ZNF33A: variants seen among roughly 807,000 people sequenced by gnomAD.
The protein encoded by ZNF33A is brain my041 protein.
In ZNF33A, 9 loss-of-function variants were observed where a neutral mutation model predicts 15.9. The observed-to-expected ratio is 0.57, with a 90% CI of 0.34 to 0.99. ZNF33A has a LOEUF of 0.99. Among genes scored for constraint, ZNF33A ranks in the 50% least tolerant of loss-of-function variants. The pLI, the probability that ZNF33A is intolerant of heterozygous loss-of-function variation, is 0.02. For synonymous variants in ZNF33A, 294 were observed against 324.2 expected, an observed-to-expected ratio of 0.91 and a Z score of 1.00; for missense variants, 843 against 941.6, an observed-to-expected ratio of 0.90 and a Z score of 1.37.
intron 4 of ZNF33A, among the ~76,000 whole-genome samples, chr10:38,022,498 A>G (rs2064794346): frequency 6.6e-6 from 1 of 152,020 alleles, no homozygotes; most frequent in Admixed American, 6.6e-5. Context: ...CTCTACTAAA[A>G]ATACAAAAAT....
chr10:38,066,619 A>G (rs571420888), downstream of ZNF33A, among the ~76,000 whole-genome samples: 12 of 151,820 alleles, frequency 7.9e-5, no homozygotes, highest in East Asian at 2.4e-3. Flanking sequence ...TAAACTCTCC[A>G]GTGTGTAAAG....
intron 4 of ZNF33A, among the ~76,000 whole-genome samples, chr10:38,028,601 G>A (rs1392071326): frequency 6.6e-6 from 1 of 151,968 alleles, no homozygotes; most frequent in African/African-American, 2.4e-5. Context: ...CCAAGTAGCT[G>A]GGACTACAGG....
rs150623689 is a variant in ZNF33A, at chr10:38,026,843, C to T, written c.250+9457C>T. ...CCAAACAGAAACTGTCGCCATTAAG[C>T]GGTAACTACTCATTCCCCCTTCCGA... is the stretch of plus-strand genomic sequence containing the variant. On this transcript the variant is annotated intron_variant, in intron 4 of 4. Transcript: ENST00000432900. Among the ~76,000 whole-genome samples, 557 of 152,286 alleles carry T rather than the reference C, an allele frequency of 3.7e-3. 4 individuals carry two copies. The highest frequency in any genetic ancestry group is 0.013 in the African/African-American group (547 of 41,570).
intron 4 of ZNF33A, among the ~76,000 whole-genome samples, chr10:38,024,698 G>A (rs983016740): frequency 6.6e-5 from 10 of 152,214 alleles, no homozygotes; most frequent in Non-Finnish European, 1.5e-4. Context: ...CCTTTTCTGT[G>A]GTTTTGCTTT....
intron 4 of ZNF33A, among the ~76,000 whole-genome samples, chr10:38,042,496 C>G (rs1266531831): frequency 3.7e-5 from 3 of 80,264 alleles, no homozygotes; most frequent in Non-Finnish European, 7.5e-5. Context: ...TATTTTTTTG[C>G]TTTATTCTTT....
chr10:38,024,624 G>C (rs1468630714), intron 4 of ZNF33A, among the ~76,000 whole-genome samples: 3 of 152,174 alleles, frequency 2.0e-5, no homozygotes, highest in Non-Finnish European at 4.4e-5. Context: ...TTTCTCAAAA[G>C]TTTTGAGAAA....
At chr10:38,011,759 A>G (rs918569508) in intron 1 of ZNF33A, among the ~76,000 whole-genome samples, 1 of 152,180 alleles carries the variant, frequency 6.6e-6, no homozygotes, top group African/African-American at 2.4e-5. Flanking sequence ...CATCAAAGCA[A>G]GTTTAAAATA....
chr10:38,052,822 A>C (rs2066268296), intron 4 of ZNF33A, among the ~76,000 whole-genome samples: 1 of 151,976 alleles, frequency 6.6e-6, no homozygotes, highest in Non-Finnish European at 1.5e-5. Context: ...TTTTGGAGAA[A>C]ACTGTTGCTG....
chr10:38,055,699 T>G lies in ZNF33A; in HGVS notation c.1575T>G (p.Tyr525Ter), dbSNP rs1362635860. The G allele has an allele frequency of 6.2e-7, 1 of 1,613,738 alleles. No homozygotes were observed. Among genetic ancestry groups the G allele is most frequent in the Non-Finnish European group, 8.5e-7 (1 of 1,179,960 alleles). ...HQIIHTGWKP[Y>*]ECYECGKTFC... is the part of the protein sequence containing the mutation. Reference sequence around the variant, plus strand: ...TAATTCATACAGGGTGGAAACCTTATGAATGTTATGAATGTGGGAAAACCT... The same window carrying G: ...TAATTCATACAGGGTGGAAACCTTAGGAATGTTATGAATGTGGGAAAACCT... Residue 525 changes from tyrosine to a stop codon, truncating the protein, a stop_gained, in exon 5 of 5, where the codon TAT becomes TAG. Coordinates refer to ENST00000432900, the MANE Select transcript of ZNF33A (RefSeq NM_006954.2). LOFTEE classifies it low-confidence loss of function (END_TRUNC).
At position 38,055,645 on chromosome 10, in the gene ZNF33A, C is replaced by T; in HGVS notation, c.1521C>T (p.Tyr507=). The T allele has an allele frequency of 6.2e-7, 1 of 1,613,992 alleles. No individual in the cohort carries two copies. Among genetic ancestry groups the T allele is most frequent in the Admixed American group, 1.7e-5 (1 of 60,016 alleles). ...YECNACGKTF[Y]HKSLLTRHQI... is the part of the protein sequence containing the mutation. ...GTAATGCATGTGGGAAAACTTTCTA[C>T]CACAAGTCATTACTCACCAGGCATC... Residue 507 remains tyrosine (Y), a synonymous_variant, in exon 5 of 5, where the codon TAC becomes TAT. Coordinates refer to ENST00000432900, the MANE Select transcript of ZNF33A (RefSeq NM_006954.2).
At chr10:38,025,833 G>A (rs1304484273) in intron 4 of ZNF33A, among the ~76,000 whole-genome samples, 9 of 152,156 alleles carry the variant, frequency 5.9e-5, no homozygotes, top group African/African-American at 2.4e-5. Flanking sequence ...CAGTCCAGTG[G>A]CATTACACTC....
rs71007683 is a variant in ZNF33A at position 38,035,111 on chromosome 10, C to CTTTTTTT, written c.250+17743_250+17749dup. ...TAACCATCCATCATCCATTTACTTT[C>CTTTTTTT]TTTTTTTTTTTTTTTTTTTTTTTTG... On this transcript the variant is annotated intron_variant, in intron 4 of 4. Transcript: ENST00000432900. 5.2e-3 allele frequency among the ~76,000 whole-genome samples: 447 copies of CTTTTTTT among 85,724 alleles called. 3 individuals carry two copies. The highest frequency in any genetic ancestry group is 0.012 in the Middle Eastern group (1 of 86). The allele number at this position is 85,724 out of a possible 152,430, so 56.2% of individuals were successfully genotyped here.
chr10:38,011,783 T>C (rs931290296), intron 1 of ZNF33A, among the ~76,000 whole-genome samples: 1 of 152,154 alleles, frequency 6.6e-6, no homozygotes, highest in Admixed American at 6.5e-5. Context: ...CTTTGAGAAA[T>C]AGCAACAAAG....
At chr10:38,045,861 C>G (rs982258868) in intron 4 of ZNF33A, among the ~76,000 whole-genome samples, 10 of 152,344 alleles carry the variant, frequency 6.6e-5, no homozygotes, top group Non-Finnish European at 1.3e-4. Flanking sequence ...TGGGAACTCT[C>G]TGTCCTTACA....
Position 38,057,528 on chromosome 10 carries a change from T to C in ZNF33A, c.*968T>C. The C allele has an allele frequency of 2.0e-6, 2 of 985,438 alleles. No individual in the cohort carries two copies. Among genetic ancestry groups the C allele is most frequent in the Non-Finnish European group, 2.4e-6 (2 of 829,910 alleles). 61.0% of individuals were successfully genotyped at this position (985,438 alleles called of 1,614,324 possible). Reference sequence around the variant, plus strand: ...GTATCCTAGTTTAGTAGTGGTTACATTATCAGGCCCATCCCAGATGTTTGT... The same window carrying C: ...GTATCCTAGTTTAGTAGTGGTTACACTATCAGGCCCATCCCAGATGTTTGT... On this transcript the variant is annotated 3_prime_UTR_variant, in exon 5 of 5. Coordinates refer to ENST00000432900, the MANE Select transcript of ZNF33A (RefSeq NM_006954.2).
intron 4 of ZNF33A, among the ~76,000 whole-genome samples, chr10:38,039,939 CA>C (rs1450395688): frequency 6.6e-6 from 1 of 151,454 alleles, no homozygotes; most frequent in Non-Finnish European, 1.5e-5. Flanking sequence ...TGCTCCTGTC[CA>C]AGTGTTTTAA....
At chr10:38,035,525 A>G (rs1421604600) in intron 4 of ZNF33A, among the ~76,000 whole-genome samples, 1 of 152,218 alleles carries the variant, frequency 6.6e-6, no homozygotes, top group Non-Finnish European at 1.5e-5. Context: ...ATCAACTAAA[A>G]TACAGTACTT....
intron 4 of ZNF33A, among the ~76,000 whole-genome samples, chr10:38,050,407 C>G (rs183421099): frequency 6.6e-6 from 1 of 152,374 alleles, no homozygotes; most frequent in African/African-American, 2.4e-5. Flanking sequence ...TGTGCAGTCA[C>G]ATGTTGCTGC....
At chr10:38,024,240 G>T (rs538427137) in intron 4 of ZNF33A, among the ~76,000 whole-genome samples, 1 of 148,594 alleles carries the variant, frequency 6.7e-6, no homozygotes, top group Non-Finnish European at 1.5e-5. Flanking sequence ...CAGGATCCAA[G>T]ATGAACACAT....
Sources: gnomAD v4.1 joint callset for allele counts (sites outside exome capture counted in the v4.1 genomes callset) on GRCh38, gnomAD v4.1.1 for gene constraint, MANE v1.5 for transcripts, NCBI Gene and HGNC (gene_info 2026-07-23, HGNC 2026-07-21) for gene names.